Variants in SEMA5A observed in about 807,000 individuals in gnomAD.
The protein encoded by SEMA5A is semaphorin 5A.
SEMA5A carries 55 observed loss-of-function variants against 135.5 expected under a neutral mutation model. The ratio of observed to expected loss-of-function variants is 0.41; its 90% confidence interval spans 0.33 to 0.51. The LOEUF is 0.51. Ranked by LOEUF, SEMA5A falls within the 20% of genes least tolerant of loss-of-function variation. The pLI is 0.37. For synonymous variants in SEMA5A, 580 were observed against 546.5 expected, an observed-to-expected ratio of 1.06 and a Z score of -0.85; for missense variants, 1,290 against 1,419.9, an observed-to-expected ratio of 0.91 and a Z score of 1.47.
intron 22 of SEMA5A, 133 bp from the exon 23 acceptor site, chr5:9,043,149 T>C (rs1736054657): frequency 3.7e-6 from 3 of 820,628 alleles, no homozygotes; most frequent in Non-Finnish European, 3.6e-6. Flanking sequence ...TGTTTTCTTA[T>C]TTATTTGCTT....
intron 13 of SEMA5A, among the ~76,000 whole-genome samples, chr5:9,123,183 C>G (rs1458108197): frequency 7.6e-6 from 1 of 130,824 alleles, no homozygotes; most frequent in Non-Finnish European, 1.6e-5. Context: ...GGTGTGAACC[C>G]GGGAGGTGGA....
At chr5:9,057,507 C>T (rs1276288618) in intron 18 of SEMA5A, among the ~76,000 whole-genome samples, 6 of 152,244 alleles carry the variant, frequency 3.9e-5, no homozygotes, top group African/African-American at 1.4e-4. Context: ...CATACACCAA[C>T]TGTCCATCTG....
chr5:9,076,252 A>G (rs1738053463), intron 16 of SEMA5A, among the ~76,000 whole-genome samples: 1 of 151,798 alleles, frequency 6.6e-6, no homozygotes, highest in South Asian at 2.1e-4. Context: ...TGTCATTTGC[A>G]GCAACACAAA....
chr5:9,388,430 T>C (rs1056709711), intron 2 of SEMA5A, among the ~76,000 whole-genome samples: 6 of 150,410 alleles, frequency 4.0e-5, no homozygotes, highest in African/African-American at 1.5e-4. Context: ...TCATTCAATC[T>C]ACTTCTGTGT....
At chr5:9,049,137 T>G (rs886499212) in intron 21 of SEMA5A, among the ~76,000 whole-genome samples, 1 of 148,210 alleles carries the variant, frequency 6.7e-6, no homozygotes, top group African/African-American at 2.5e-5. Flanking sequence ...ATGTCACAGA[T>G]AGTGAGCTCT....
intron 5 of SEMA5A, among the ~76,000 whole-genome samples, chr5:9,285,175 G>C (rs1289127007): frequency 1.3e-5 from 2 of 152,098 alleles, no homozygotes; most frequent in Non-Finnish European, 2.9e-5. Context: ...CTATCGTCTA[G>C]TATGTCTTCT....
intron 1 of SEMA5A, among the ~76,000 whole-genome samples, chr5:9,495,183 T>A (rs566144478): frequency 2.0e-5 from 3 of 152,280 alleles, no homozygotes; most frequent in African/African-American, 4.8e-5. Flanking sequence ...GACTTCGATA[T>A]CTTCAGGGAT....
chr5:9,437,659 A>AT (rs1166717728), intron 2 of SEMA5A, 97 bp downstream of exon 2: 2 of 152,122 alleles, frequency 1.3e-5, no homozygotes, highest in Admixed American at 6.6e-5. Flanking sequence ...GCCTACTCTT[A>AT]TTTTTAATAA....
intron 1 of SEMA5A, among the ~76,000 whole-genome samples, chr5:9,520,892 T>C (rs1343558300): frequency 1.3e-5 from 2 of 151,760 alleles, no homozygotes; most frequent in South Asian, 2.1e-4. Flanking sequence ...CAATGGAGGG[T>C]CCTGCACAGG....
At chr5:9,074,010 T>C (rs569075149) in intron 16 of SEMA5A, among the ~76,000 whole-genome samples, 20 of 152,264 alleles carry the variant, frequency 1.3e-4, no homozygotes, top group Non-Finnish European at 2.9e-4. Context: ...CTAAATTTCA[T>C]ATGGAATACA....
At chr5:9,202,840 C>T (rs1399754186) in intron 8 of SEMA5A, among the ~76,000 whole-genome samples, 1 of 152,118 alleles carries the variant, frequency 6.6e-6, no homozygotes, top group Admixed American at 6.5e-5. Context: ...CTATGGTGAC[C>T]ATGGAATAGT....
intron 21 of SEMA5A, among the ~76,000 whole-genome samples, chr5:9,048,686 T>C (rs1561100292): frequency 1.3e-5 from 2 of 152,204 alleles, no homozygotes. Flanking sequence ...AGGTGTTACA[T>C]GAAGAACTGT....
At chr5:9,523,205 T>C (rs1579682224) in intron 1 of SEMA5A, 1 of 151,784 alleles carries the variant, frequency 6.6e-6, no homozygotes, top group South Asian at 2.1e-4. Context: ...CAGAGAACAA[T>C]GGGATTCCAG....
At chr5:9,152,800 A>G in intron 12 of SEMA5A, among the ~76,000 whole-genome samples, 1 of 152,224 alleles carries the variant, frequency 6.6e-6, no homozygotes, top group East Asian at 1.9e-4. Flanking sequence ...GGCTGGGCGC[A>G]GTGGCACACG....
At chr5:9,153,616 G>GA (rs979230672) in intron 12 of SEMA5A, among the ~76,000 whole-genome samples, 12 of 151,874 alleles carry the variant, frequency 7.9e-5, no homozygotes, top group Admixed American at 3.3e-4. Context: ...GGGGGAGGGG[G>GA]GGGTGTCCCG....
intron 11 of SEMA5A, among the ~76,000 whole-genome samples, chr5:9,155,088 GC>G (rs1742879932): frequency 6.6e-6 from 1 of 152,138 alleles, no homozygotes; most frequent in East Asian, 1.9e-4. Context: ...TGATTTTGGT[GC>G]CCAGCAGGGC....
intron 1 of SEMA5A, among the ~76,000 whole-genome samples, chr5:9,504,966 C>G (rs1377692643): frequency 6.6e-6 from 1 of 152,200 alleles, no homozygotes; most frequent in Non-Finnish European, 1.5e-5. Flanking sequence ...TAGATAGTAT[C>G]CGATCATCAT....
At chr5:9,136,753 C>T in intron 12 of SEMA5A, 132 bp from the exon 13 acceptor site, 1 of 720,140 alleles carries the variant, frequency 1.4e-6, no homozygotes, top group Admixed American at 2.0e-5. Flanking sequence ...GGTATTTAGG[C>T]TGCACACTGG....
At chr5:9,165,240 A>C (rs1270204251) in intron 11 of SEMA5A, among the ~76,000 whole-genome samples, 2 of 152,244 alleles carry the variant, frequency 1.3e-5, no homozygotes, top group Non-Finnish European at 2.9e-5. Context: ...CTTAAAGGGT[A>C]GAAATGTAAT....
Sources: allele counts gnomAD v4.1 joint callset (sites outside exome capture counted in the v4.1 genomes callset), GRCh38; gene constraint gnomAD v4.1.1; transcripts MANE v1.5; gene names NCBI Gene and HGNC (gene_info 2026-07-23, HGNC 2026-07-21).